The following FMN1 variants were observed in gnomAD, a reference collection of about 807,000 sequenced individuals.
FMN1 encodes formin 1.
FMN1 carries 110 observed loss-of-function variants against 132.4 expected under a neutral mutation model. The ratio of observed to expected loss-of-function variants is 0.83; its 90% CI spans 0.71 to 0.97. FMN1 has a LOEUF of 0.97. Ranked by LOEUF, FMN1 falls within the 50% of genes least tolerant of loss-of-function variation. FMN1 has a pLI of 0.00. For missense variants in FMN1, 1,792 were observed against 1,705.3 expected, an observed-to-expected ratio of 1.05 and a Z score of -0.90; for synonymous variants, 722 against 651.7, an observed-to-expected ratio of 1.11 and a Z score of -1.64.
At chr15:33,186,771 G>A (rs1422299361) in intron 2 of FMN1, among the ~76,000 whole-genome samples, 2 of 152,228 alleles carry the variant, frequency 1.3e-5, no homozygotes, top group Non-Finnish European at 2.9e-5. Context: ...TTCATGGGCA[G>A]TTTCATAAAA....
intron 4 of FMN1, among the ~76,000 whole-genome samples, chr15:33,132,613 G>A (rs774051634): frequency 1.3e-5 from 2 of 152,292 alleles, no homozygotes; most frequent in East Asian, 1.9e-4. Context: ...ACCTAAGAGC[G>A]GAGGGAAGAA....
intron 4 of FMN1, among the ~76,000 whole-genome samples, chr15:33,115,154 T>C (rs928699941): frequency 1.3e-5 from 2 of 152,088 alleles, no homozygotes; most frequent in African/African-American, 4.8e-5. Context: ...CAGTCTCCCA[T>C]GGGGAAAATG....
intron 6 of FMN1, among the ~76,000 whole-genome samples, chr15:33,025,147 C>T (rs1242111908): frequency 6.6e-6 from 1 of 152,010 alleles, no homozygotes; most frequent in Admixed American, 6.5e-5. Context: ...GTTTTATTTC[C>T]TAAGTTAAGT....
intron 9 of FMN1, among the ~76,000 whole-genome samples, chr15:32,949,057 C>T (rs1233189732): frequency 6.8e-6 from 1 of 148,016 alleles, no homozygotes; most frequent in Non-Finnish European, 1.5e-5. Context: ...CTATACATTT[C>T]AGCTACATCC....
intron 16 of FMN1, among the ~76,000 whole-genome samples, chr15:32,886,612 G>A (rs377647725): frequency 8.5e-5 from 13 of 152,184 alleles, no homozygotes; most frequent in African/African-American, 3.1e-4. Context: ...CCTGGAAGGA[G>A]AAGGGAAAAG....
chr15:33,075,590 A>G (rs1397838606), intron 5 of FMN1, among the ~76,000 whole-genome samples: 1 of 152,230 alleles, frequency 6.6e-6, no homozygotes, highest in Admixed American at 6.5e-5. Flanking sequence ...TGGCCACTGC[A>G]TAAGGTGACA....
At chr15:33,170,569 A>C (rs8026405) in intron 3 of FMN1, among the ~76,000 whole-genome samples, 111,384 of 149,410 alleles carry the variant, frequency 0.75, 42,423 homozygotes, top group Middle Eastern at 0.86. Flanking sequence ...AAAAAAAAAA[A>C]CCCGTTGAAA....
rs773873562 is a variant in FMN1 at position 33,153,364 on chromosome 15, C to T, written c.1551G>A (p.Thr517=). Residue 517 remains threonine, a synonymous_variant, in exon 4 of 21, where the codon ACG becomes ACA. Transcript: ENST00000616417. ...GAGACAGAGGCGAGGGAACAGGTGA[C>T]GTCTGTTTGTGTGTGCTGGACTGCG... The part of the protein sequence containing the change: ...SASQSSTHKQ[T]SPVPSPLSPR... 16 of 1,536,390 alleles carry T rather than the reference C, an allele frequency of 1.0e-5. No homozygotes were observed. Among genetic ancestry groups the T allele is most frequent in the African/African-American group, 1.4e-5 (1 of 73,142 alleles).
chr15:33,125,932 C>T (rs1177583061), intron 4 of FMN1, among the ~76,000 whole-genome samples: 1 of 152,176 alleles, frequency 6.6e-6, no homozygotes, highest in Admixed American at 6.5e-5. Flanking sequence ...TAAAAACCAT[C>T]TCTAACAATT....
intron 17 of FMN1, among the ~76,000 whole-genome samples, chr15:32,854,020 C>A (rs1302185549): frequency 6.6e-6 from 1 of 152,146 alleles, no homozygotes; most frequent in African/African-American, 2.4e-5. Context: ...TTTCTAGTAG[C>A]CACACTCAAG....
At chr15:32,795,046 T>C (rs1194364302) in intron 19 of FMN1, among the ~76,000 whole-genome samples, 1 of 151,706 alleles carries the variant, frequency 6.6e-6, no homozygotes, top group Non-Finnish European at 1.5e-5. Flanking sequence ...AATAAAAAAA[T>C]AAAATTAGCT....
Position 32,769,515 on chromosome 15 carries a change from G to T in FMN1, c.*4795C>A, listed in dbSNP as rs950232859. 1 of 152,194 alleles carries T rather than the reference G, an allele frequency of 6.6e-6. No individual in the cohort carries two copies. The highest frequency in any genetic ancestry group is 2.1e-4 in the South Asian group (1 of 4,824). 9.4% of individuals were successfully genotyped at this position (152,194 alleles called of 1,614,324 possible). The stretch of plus-strand genomic sequence containing the variant: ...ATGCCTGGATTCAATTGCTAATGGA[G>T]AGATGAATATCATTATGTAAGTCTA... On this transcript the variant is annotated 3_prime_UTR_variant, in exon 21 of 21. Transcript: ENST00000616417.
intron 6 of FMN1, among the ~76,000 whole-genome samples, chr15:33,013,246 A>G (rs888901264): frequency 3.9e-5 from 6 of 152,218 alleles, no homozygotes; most frequent in African/African-American, 1.4e-4. Context: ...GTTAAGGACC[A>G]TATTTGTGAT....
intron 16 of FMN1, among the ~76,000 whole-genome samples, chr15:32,863,717 A>G (rs2059329959): frequency 6.6e-6 from 1 of 152,250 alleles, no homozygotes; most frequent in Non-Finnish European, 1.5e-5. Context: ...TCCCTTTAGT[A>G]AGAACAGGAC....
At chr15:32,883,179 A>G (rs1302295967) in intron 16 of FMN1, among the ~76,000 whole-genome samples, 1 of 152,036 alleles carries the variant, frequency 6.6e-6, no homozygotes, top group Non-Finnish European at 1.5e-5. Context: ...ATCACACATA[A>G]CCCCAAATGA....
In FMN1 at chr15:32,964,016, TACAC is replaced by T. The variant is rs374980152; in HGVS notation, c.3138+87_3138+90del. 7.9e-3 allele frequency: 4,039 copies of T among 508,064 alleles called. 67 individuals are homozygous for T. The highest frequency in any genetic ancestry group is 0.052 in the African/African-American group (2,519 of 48,322). 31.5% of individuals were successfully genotyped at this position (508,064 alleles called of 1,614,324 possible). Reference sequence around the variant, plus strand: ...GGTATGTGTGTGTGTGTATATACGATACACACACACACACACACACACACACACA... The same window carrying T: ...GGTATGTGTGTGTGTGTATATACGATACACACACACACACACACACACACA... On this transcript the variant is annotated intron_variant, in intron 9 of 20. Transcript: ENST00000616417.
intron 6 of FMN1, among the ~76,000 whole-genome samples, chr15:33,052,124 T>C (rs34144825): frequency 0.14 from 20,925 of 152,178 alleles, 1,610 homozygotes; most frequent in Middle Eastern, 0.22. Flanking sequence ...TATTTCTCTG[T>C]AATAAGGAGA....
chr15:32,978,854 C>T (rs2032417939), intron 7 of FMN1, among the ~76,000 whole-genome samples: 1 of 152,148 alleles, frequency 6.6e-6, no homozygotes. Flanking sequence ...GCCTTACATA[C>T]TCCCAACATT....
intron 3 of FMN1, among the ~76,000 whole-genome samples, chr15:33,163,691 C>T (rs1168925763): frequency 1.3e-5 from 2 of 151,818 alleles, no homozygotes; most frequent in South Asian, 2.1e-4. Context: ...GATCTTGGCT[C>T]ACTGCAACCT....
Sources: gnomAD v4.1 joint callset for allele counts (sites outside exome capture counted in the v4.1 genomes callset) on GRCh38, gnomAD v4.1.1 for gene constraint, MANE v1.5 for transcripts, NCBI Gene and HGNC (gene_info 2026-07-23, HGNC 2026-07-21) for gene names.